CERS6: variants seen among roughly 807,000 people sequenced by gnomAD.
CERS6 encodes the protein LAG1 homolog, ceramide synthase 6.
A neutral mutation model predicts 56.8 loss-of-function variants in CERS6; 26 were observed. That is an observed-to-expected ratio of 0.46 (90% CI 0.34 to 0.63). The LOEUF is 0.63. CERS6 is among the 30% of genes least tolerant of loss of function. CERS6 has a pLI of 0.01. For synonymous variants in CERS6, 164 were observed against 173.3 expected (o/e 0.95, Z 0.42); for missense variants, 415 against 467.5 (o/e 0.89, Z 1.04).
chr2:168,479,954 G>T (rs1396452500), intron 1 of CERS6, among the ~76,000 whole-genome samples: 1 of 152,252 alleles, frequency 6.6e-6, no homozygotes, highest in South Asian at 2.1e-4. Context: ...CTAAGCAAAG[G>T]TCTTACATTT....
At chr2:168,752,141 T>C (rs1684287887) in intron 8 of CERS6, among the ~76,000 whole-genome samples, 1 of 152,102 alleles carries the variant, frequency 6.6e-6, no homozygotes, top group South Asian at 2.1e-4. Flanking sequence ...GAAAATATCT[T>C]AAGCATGTGG....
chr2:168,596,082 C>CAAAAAA (rs11416261), intron 3 of CERS6, among the ~76,000 whole-genome samples: 1 of 138,898 alleles, frequency 7.2e-6, no homozygotes, highest in East Asian at 2.1e-4. Flanking sequence ...GACCCTGTCT[C>CAAAAAA]AAAAAAAAAA....
At chr2:168,555,080 C>T (rs1375519308) in intron 2 of CERS6, among the ~76,000 whole-genome samples, 2 of 151,930 alleles carry the variant, frequency 1.3e-5, no homozygotes, top group Non-Finnish European at 2.9e-5. Context: ...TAAGGGGGTA[C>T]ATTTATAATC....
chr2:168,597,564 A>C (rs1011382557), intron 3 of CERS6, among the ~76,000 whole-genome samples: 1 of 152,124 alleles, frequency 6.6e-6, no homozygotes, highest in African/African-American at 2.4e-5. Flanking sequence ...ACAAGCTTCT[A>C]CTTTTTTCAA....
intron 8 of CERS6, among the ~76,000 whole-genome samples, chr2:168,755,439 G>A (rs1278505468): frequency 6.6e-6 from 1 of 152,134 alleles, no homozygotes; most frequent in Non-Finnish European, 1.5e-5. Flanking sequence ...CAGCATGGAG[G>A]CATAAAGATG....
At chr2:168,501,821 C>A (rs557595966) in intron 1 of CERS6, among the ~76,000 whole-genome samples, 1 of 152,328 alleles carries the variant, frequency 6.6e-6, no homozygotes, top group African/African-American at 2.4e-5. Flanking sequence ...ACGAGTTCCC[C>A]TATCACTGCA....
At chr2:168,487,883 A>G (rs1370452192) in intron 1 of CERS6, among the ~76,000 whole-genome samples, 3 of 152,042 alleles carry the variant, frequency 2.0e-5, no homozygotes, top group African/African-American at 7.2e-5. Context: ...CATCCAGTTA[A>G]TTTTTAAATT....
In CERS6 at chr2:168,689,378, G is replaced by T. The variant is rs148725287; in HGVS notation, c.466-1656G>T. On this transcript the variant is annotated intron_variant, in intron 4 of 9. Transcript: ENST00000305747. ...ATATATGGGTATTTAAAAGTAAATTGATCTGTATCATGTTTATATTACATA... is the reference window on the plus strand; with the variant it reads ...ATATATGGGTATTTAAAAGTAAATTTATCTGTATCATGTTTATATTACATA... Among the ~76,000 whole-genome samples, 35 of 152,230 alleles carry T rather than the reference G, an allele frequency of 2.3e-4. 1 individual carries two copies. The highest frequency in any genetic ancestry group is 8.2e-4 in the African/African-American group (34 of 41,554).
chr2:168,769,308 C>T (rs1384977722), intron 9 of CERS6, among the ~76,000 whole-genome samples: 2 of 152,186 alleles, frequency 1.3e-5, no homozygotes, highest in Non-Finnish European at 2.9e-5. Flanking sequence ...ATGATACTTA[C>T]ATTCCTTCAT....
intron 4 of CERS6, among the ~76,000 whole-genome samples, chr2:168,655,878 A>G (rs2105322252): frequency 6.6e-6 from 1 of 152,332 alleles, no homozygotes; most frequent in Non-Finnish European, 1.5e-5. Flanking sequence ...TATCACATGC[A>G]CAAAGAAGAA....
intron 3 of CERS6, among the ~76,000 whole-genome samples, chr2:168,630,235 T>C (rs1344398369): frequency 6.6e-6 from 1 of 152,032 alleles, no homozygotes; most frequent in Non-Finnish European, 1.5e-5. Context: ...TAGCTATTCA[T>C]ACTCGGAAGT....
chr2:168,507,557 T>G (rs1462097816), intron 1 of CERS6, among the ~76,000 whole-genome samples: 1 of 152,166 alleles, frequency 6.6e-6, no homozygotes, highest in African/African-American at 2.4e-5. Flanking sequence ...TGTCCTGCCA[T>G]TTGGTGGTGA....
In CERS6 at chr2:168,772,367, G is replaced by GAAA. The variant is rs1684886448; in HGVS notation, c.*2707_*2708insAAA. 1 of 152,578 alleles carries GAAA rather than the reference G, an allele frequency of 6.6e-6. No homozygotes were observed. The highest frequency in any genetic ancestry group is 1.5e-5 in the Non-Finnish European group (1 of 68,026). 9.5% of individuals were successfully genotyped at this position (152,578 alleles called of 1,614,324 possible). On this transcript the variant is annotated 3_prime_UTR_variant, in exon 10 of 10. Coordinates refer to ENST00000305747, the MANE Select transcript of CERS6 (RefSeq NM_203463.3). ...TAGGGGGAAAGTAGAAAATCGAGTA[G>GAAA]AATTTGGCCTCAGGTCAATAAATGA...
At chr2:168,517,494 A>AAAAT (rs148764497) in intron 1 of CERS6, among the ~76,000 whole-genome samples, 2,148 of 149,546 alleles carry the variant, frequency 0.014, 35 homozygotes, top group African/African-American at 0.045. Flanking sequence ...ACTGCCTCAA[A>AAAAT]AAATAAATAA....
At chr2:168,746,821 A>ATATATATATATAT (rs1559078615) in intron 8 of CERS6, among the ~76,000 whole-genome samples, 3 of 64,932 alleles carry the variant, frequency 4.6e-5, no homozygotes, top group Non-Finnish European at 6.5e-5. Context: ...ATATATATAT[A>ATATATATATATAT]AAATCATCTT....
chr2:168,647,723 G>C (rs988610584), intron 4 of CERS6, among the ~76,000 whole-genome samples: 1 of 151,936 alleles, frequency 6.6e-6, no homozygotes, highest in Non-Finnish European at 1.5e-5. Context: ...TAACATGAAG[G>C]GTGTTGAATA....
chr2:168,607,020 C>T (rs1008014507), intron 3 of CERS6, among the ~76,000 whole-genome samples: 1 of 152,132 alleles, frequency 6.6e-6, no homozygotes, highest in African/African-American at 2.4e-5. Flanking sequence ...GAACCATGAG[C>T]CAATTAAACC....
intron 3 of CERS6, among the ~76,000 whole-genome samples, chr2:168,615,737 C>T (rs1246488320): frequency 1.3e-5 from 2 of 152,252 alleles, no homozygotes; most frequent in East Asian, 3.9e-4. Context: ...ATGACCAAAC[C>T]TAAGAATAAT....
At chr2:168,554,894 G>C (rs1695647656) in intron 2 of CERS6, among the ~76,000 whole-genome samples, 2 of 152,188 alleles carry the variant, frequency 1.3e-5, no homozygotes, top group South Asian at 4.1e-4. Context: ...AGATAAAATA[G>C]TTATGAATCA....
Sources: allele counts gnomAD v4.1 joint callset (sites outside exome capture counted in the v4.1 genomes callset), GRCh38; gene constraint gnomAD v4.1.1; transcripts MANE v1.5; gene names NCBI Gene and HGNC (gene_info 2026-07-23, HGNC 2026-07-21).